The following TRNT1 variants were observed in gnomAD, a reference collection of about 807,000 sequenced individuals.
The protein encoded by TRNT1 is CCA tRNA nucleotidyltransferase 1, mitochondrial.
Under a neutral mutation model 45.6 loss-of-function variants are expected in TRNT1, and 44 were observed. That is an observed-to-expected ratio of 0.97 (90% CI 0.76 to 1.24). The LOEUF (loss-of-function observed/expected upper bound fraction) is 1.24. TRNT1 is among the 50% of genes most tolerant of loss of function. The pLI is 0.00. For missense variants in TRNT1, 633 were observed against 504.4 expected (o/e 1.25, Z -2.44); for synonymous variants, 201 against 171.4 (o/e 1.17, Z -1.35).
At chr3:3,146,077 CTG>C (rs1230671270) in intron 5 of TRNT1, among the ~76,000 whole-genome samples, 1 of 149,056 alleles carries the variant, frequency 6.7e-6, no homozygotes, top group Non-Finnish European at 1.5e-5. Flanking sequence ...TACAAGAATG[CTG>C]TTTTTTTTTT....
intron 1 of TRNT1, among the ~76,000 whole-genome samples, chr3:3,128,401 A>T (rs1033501276): frequency 7.9e-5 from 12 of 152,104 alleles, no homozygotes; most frequent in Non-Finnish European, 1.6e-4. Context: ...GTTCGAGAGC[A>T]GTCTGGCCAA....
intron 2 of TRNT1, among the ~76,000 whole-genome samples, chr3:3,133,733 CAT>C (rs993380925): frequency 4.5e-4 from 68 of 152,140 alleles, no homozygotes; most frequent in African/African-American, 1.6e-3. Flanking sequence ...AGAAGGCCAT[CAT>C]GTTAAAATAT....
At chr3:3,152,722 T>A, downstream of TRNT1, 1 of 1,041,558 alleles carries the variant, frequency 9.6e-7, no homozygotes, top group Admixed American at 2.0e-5. Context: ...TTTTATATAA[T>A]ACCAGGATCT....
chr3:3,146,344 G>A, intron 5 of TRNT1, 86 bp from the exon 6 acceptor site: 1 of 1,027,924 alleles, frequency 9.7e-7, no homozygotes, highest in Non-Finnish European at 1.4e-6. Flanking sequence ...CAGATGTATG[G>A]GATAGTACCA....
rs1466009125 is a variant in TRNT1 at position 3,147,943 on chromosome 3, T to C, written c.1094T>C (p.Leu365Pro). Reference protein sequence around the residue: ...EPDATTRVCELLKYQGEHCLL... With the variant: ...EPDATTRVCEPLKYQGEHCLL... ...GATGCAACTACTCGTGTATGTGAAC[T>C]ACTGAAGTACCAAGGAGAGCACTGT... The change falls in exon 8 of 8, where the codon CTA (leucine) becomes CCA (proline). Residue 365 changes from leucine (L) to proline (P), a missense_variant. Transcript: ENST00000251607. 1.2e-6 allele frequency: 2 copies of C among 1,613,818 alleles called. No homozygotes were observed. Among genetic ancestry groups the C allele is most frequent in the African/African-American group, 1.3e-5 (1 of 74,926 alleles).
chr3:3,128,757 A>G (rs1289175309), intron 1 of TRNT1, among the ~76,000 whole-genome samples: 2 of 127,526 alleles, frequency 1.6e-5, no homozygotes, highest in African/African-American at 5.5e-5. Flanking sequence ...TAACTCAACC[A>G]GTCAGTCAGT....
chr3:3,132,745 C>CAA, intron 2 of TRNT1, among the ~76,000 whole-genome samples: 1 of 130,272 alleles, frequency 7.7e-6, no homozygotes, highest in Non-Finnish European at 1.5e-5. Flanking sequence ...AAAAAAAAAA[C>CAA]ACAAAAAAAA....
At chr3:3,129,911 C>A (rs530769737) in intron 2 of TRNT1, 1 of 1,550,624 alleles carries the variant, frequency 6.4e-7, no homozygotes, top group African/African-American at 1.4e-5. Context: ...GCTCTGTTTC[C>A]TTCCTAGGTA....
chr3:3,133,301 C>A (rs1199210472), intron 2 of TRNT1, among the ~76,000 whole-genome samples: 1 of 152,092 alleles, frequency 6.6e-6, no homozygotes, highest in Non-Finnish European at 1.5e-5. Flanking sequence ...CCTATAATCT[C>A]CCAGCACTTT....
At chr3:3,145,260 T>C (rs1287376503) in intron 5 of TRNT1, 1 of 150,754 alleles carries the variant, frequency 6.6e-6, no homozygotes, top group Admixed American at 6.7e-5. Flanking sequence ...ATCCCCGCAC[T>C]TTGGGAGGCC....
At chr3:3,141,410 C>A (rs977083701) in intron 4 of TRNT1, among the ~76,000 whole-genome samples, 1 of 152,178 alleles carries the variant, frequency 6.6e-6, no homozygotes, top group Non-Finnish European at 1.5e-5. Context: ...TTCAATCTTT[C>A]TTCTGCTTCC....
At chr3:3,142,618 C>G (rs1002019537) in intron 4 of TRNT1, among the ~76,000 whole-genome samples, 2 of 152,098 alleles carry the variant, frequency 1.3e-5, no homozygotes, top group African/African-American at 4.8e-5. Context: ...TGGCTTTTTC[C>G]AAGCCTTATT....
At chr3:3,127,886 G>C (rs1028764239) in intron 1 of TRNT1, 1 of 152,128 alleles carries the variant, frequency 6.6e-6, no homozygotes, top group African/African-American at 2.4e-5. Flanking sequence ...GCTTATTCTC[G>C]CTGCCCAATA....
At chr3:3,150,238 T>G (rs1706414699), downstream of TRNT1, 1 of 152,582 alleles carries the variant, frequency 6.6e-6, no homozygotes, top group Non-Finnish European at 1.5e-5. Flanking sequence ...TACTTTTTAC[T>G]AACAGGCACA....
chr3:3,152,333 TTACTCATTTGTCTGTCTACTTTTTATTA>T, downstream of TRNT1: 1 of 1,089,312 alleles, frequency 9.2e-7, no homozygotes, highest in Non-Finnish European at 1.4e-6. Context: ...TTGTAGCAAA[TTACTCATTTGTCTGTCTACTTTTTATTA>T]TAAAGATTGT....
chr3:3,135,815 C>CA (rs1441068114), intron 2 of TRNT1, among the ~76,000 whole-genome samples: 1 of 152,106 alleles, frequency 6.6e-6, no homozygotes, highest in Non-Finnish European at 1.5e-5. Flanking sequence ...AACAGGGACA[C>CA]AAGTTGGGTT....
intron 1 of TRNT1, among the ~76,000 whole-genome samples, chr3:3,128,617 A>AG (rs1704764869): frequency 7.1e-6 from 1 of 141,706 alleles, no homozygotes; most frequent in African/African-American, 2.5e-5. Flanking sequence ...AAAAAAAAAA[A>AG]AAAAGAATTC....
chr3:3,148,056 G>T lies in TRNT1; in HGVS notation c.1207G>T (p.Glu403Ter). The T allele has an allele frequency of 6.2e-7, 1 of 1,613,930 alleles. No homozygotes were observed. The change falls in exon 8 of 8, where the codon GAA becomes TAA. Residue 403 changes from glutamate (E) to a stop codon, truncating the protein, a stop_gained. Transcript: ENST00000251607. LOFTEE classifies it high-confidence loss of function. ...IRKVGISSGK[E>*]IGALLQQLRE... ...AAAAGTGGGCATTTCTTCAGGAAAA[G>T]AAATTGGGGCTCTATTACAACAGTT... is the stretch of plus-strand genomic sequence containing the variant.
In TRNT1 at chr3:3,146,692, A is replaced by G. The variant is rs939094906; in HGVS notation, c.802+69A>G. 8 of 1,359,102 alleles carry G rather than the reference A, an allele frequency of 5.9e-6. No individual in the cohort carries two copies. The Admixed American group carries it at 1.9e-4, about 32-fold the overall frequency. 84.2% of individuals were successfully genotyped at this position (1,359,102 alleles called of 1,614,324 possible). A position where few individuals can be genotyped will look rare whatever the true frequency, so the allele number is the denominator to read the frequency against. On this transcript the variant is annotated intron_variant, in intron 6 of 7. Transcript: ENST00000251607. ...ATCTGGTTTCAAATTTCATAAGGAAAAAATGTTTGACTCATTTGGTTGAAG... is the reference window on the plus strand; with the variant it reads ...ATCTGGTTTCAAATTTCATAAGGAAGAAATGTTTGACTCATTTGGTTGAAG...
Sources: gnomAD v4.1 joint callset for allele counts (sites outside exome capture counted in the v4.1 genomes callset) on GRCh38, gnomAD v4.1.1 for gene constraint, MANE v1.5 for transcripts, NCBI Gene and HGNC (gene_info 2026-07-23, HGNC 2026-07-21) for gene names.